Variants in GAD2 observed in about 807,000 individuals in gnomAD.
GAD2 encodes the protein 65 kDa glutamic acid decarboxylase.
GAD2 carries 22 observed loss-of-function variants against 80.1 expected under a neutral mutation model. That is an observed-to-expected ratio of 0.27 (90% CI 0.20 to 0.39). GAD2 has a LOEUF of 0.39. Among genes scored for constraint, GAD2 ranks in the 10% least tolerant of loss-of-function variants. GAD2 has a pLI of 1.00. For synonymous variants in GAD2, 274 were observed against 256.9 expected (o/e 1.07, Z -0.64); for missense variants, 624 against 738.4 (o/e 0.85, Z 1.80).
intron 8 of GAD2, among the ~76,000 whole-genome samples, chr10:26,265,205 CTTTTTT>C (rs66464746): frequency 7.3e-6 from 1 of 137,048 alleles, no homozygotes; most frequent in African/African-American, 2.7e-5. Flanking sequence ...CATCATACGA[CTTTTTT>C]TTTTTTTTTT....
At chr10:26,245,862 G>A in intron 7 of GAD2, 59 bp from the exon 8 acceptor site, 1 of 1,316,166 alleles carries the variant, frequency 7.6e-7, no homozygotes. Flanking sequence ...CAAACAGCCA[G>A]TGGAATGGAT....
At chr10:26,261,600 T>C (rs1239685193) in intron 8 of GAD2, among the ~76,000 whole-genome samples, 2 of 152,204 alleles carry the variant, frequency 1.3e-5, no homozygotes, top group African/African-American at 4.8e-5. Flanking sequence ...TAGAATTTTC[T>C]ATCTCTTTAA....
chr10:26,238,540 T>G (rs1844703168), intron 7 of GAD2, among the ~76,000 whole-genome samples: 1 of 152,254 alleles, frequency 6.6e-6, no homozygotes, highest in Non-Finnish European at 1.5e-5. Context: ...TCCTTTCATT[T>G]GACACTTATT....
chr10:26,218,066 C>G lies in GAD2; in HGVS notation c.286+75C>G, dbSNP rs545716739. On this transcript the variant is annotated intron_variant, in intron 3 of 15. Coordinates refer to ENST00000376261, the MANE Select transcript of GAD2 (RefSeq NM_001134366.2). The stretch of plus-strand genomic sequence containing the variant: ...CCGCCCACCGCGGCCGGTGCGGGTC[C>G]GGCGCTGAGAGCCGGACAGGGGCGT... 1.7e-5 allele frequency: 25 copies of G among 1,467,210 alleles called. No homozygotes were observed. In the African/African-American group the frequency reaches 2.0e-4, roughly 12 times the overall value. The allele number at this position is 1,467,210 out of a possible 1,614,324, so 90.9% of individuals were successfully genotyped here.
At chr10:26,266,412 A>C (rs1034438839) in intron 8 of GAD2, among the ~76,000 whole-genome samples, 2 of 152,212 alleles carry the variant, frequency 1.3e-5, no homozygotes, top group Non-Finnish European at 2.9e-5. Flanking sequence ...TAAGATAGAG[A>C]AAAAGATGGT....
chr10:26,262,271 T>TG (rs1032725036), intron 8 of GAD2, among the ~76,000 whole-genome samples: 4 of 149,944 alleles, frequency 2.7e-5, no homozygotes, highest in African/African-American at 7.3e-5. Context: ...GGTTATTAGT[T>TG]TTTTTTTTTT....
intron 12 of GAD2, among the ~76,000 whole-genome samples, chr10:26,283,480 C>A (rs1303133536): frequency 1.3e-5 from 2 of 152,186 alleles, no homozygotes; most frequent in Admixed American, 1.3e-4. Context: ...GTGAAAAAGG[C>A]AAAGGATATC....
chr10:26,229,654 C>T lies in GAD2; in HGVS notation c.725-8C>T. The T allele has an allele frequency of 6.3e-7, 1 of 1,595,906 alleles. No individual in the cohort carries two copies. On this transcript the variant is annotated splice_polypyrimidine_tract_variant and splice_region_variant and intron_variant, in intron 6 of 15. Transcript: ENST00000376261. ...AATAAAGTAACTGCGTGTTGCTGTGCACTTTAGGTGGCGCCATATCTAACA... is the reference window on the plus strand; with the variant it reads ...AATAAAGTAACTGCGTGTTGCTGTGTACTTTAGGTGGCGCCATATCTAACA...
At chr10:26,248,903 A>T (rs551623274) in intron 8 of GAD2, among the ~76,000 whole-genome samples, 36 of 152,330 alleles carry the variant, frequency 2.4e-4, no homozygotes, top group African/African-American at 7.0e-4. Context: ...AACTGGAAAT[A>T]ATTTTCATTA....
intron 15 of GAD2, among the ~76,000 whole-genome samples, chr10:26,300,533 G>T (rs960006067): frequency 6.6e-6 from 1 of 151,896 alleles, no homozygotes; most frequent in Non-Finnish European, 1.5e-5. Flanking sequence ...ACACTAACTG[G>T]AAAGTCAAGG....
chr10:26,241,383 T>C (rs1461188933), intron 7 of GAD2, among the ~76,000 whole-genome samples: 1 of 152,090 alleles, frequency 6.6e-6, no homozygotes, highest in Non-Finnish European at 1.5e-5. Flanking sequence ...CATTGAAGAG[T>C]GAAGGAACTC....
chr10:26,264,577 T>C (rs1845046406), intron 8 of GAD2, among the ~76,000 whole-genome samples: 1 of 152,170 alleles, frequency 6.6e-6, no homozygotes. Context: ...CCCAAAGTGC[T>C]GGGATAACAG....
At chr10:26,264,372 C>T (rs1302434673) in intron 8 of GAD2, among the ~76,000 whole-genome samples, 1 of 149,042 alleles carries the variant, frequency 6.7e-6, no homozygotes, top group Non-Finnish European at 1.5e-5. Flanking sequence ...GACAGTGGCG[C>T]GATCTCTACT....
At chr10:26,252,540 A>C (rs1844891725) in intron 8 of GAD2, among the ~76,000 whole-genome samples, 1 of 151,642 alleles carries the variant, frequency 6.6e-6, no homozygotes, top group African/African-American at 2.4e-5. Context: ...ACAGGATCTT[A>C]TCATGTCACC....
chr10:26,247,203 T>G (rs1844820209), intron 8 of GAD2, among the ~76,000 whole-genome samples: 1 of 152,210 alleles, frequency 6.6e-6, no homozygotes, highest in Non-Finnish European at 1.5e-5. Context: ...ATGCCTCCCC[T>G]TTTTAGACCA....
intron 4 of GAD2, among the ~76,000 whole-genome samples, chr10:26,219,873 A>G (rs1476629884): frequency 6.6e-6 from 1 of 151,814 alleles, no homozygotes. Context: ...CAATTCAGCC[A>G]TGTTATATAA....
intron 3 of GAD2, 21 bp downstream of exon 3, chr10:26,218,012 C>T (rs761434242): frequency 4.4e-6 from 7 of 1,579,418 alleles, no homozygotes; most frequent in Non-Finnish European, 6.0e-6. Flanking sequence ...AGCGGGGAGC[C>T]CCGGGGCGCC....
intron 7 of GAD2, among the ~76,000 whole-genome samples, chr10:26,237,244 G>A (rs891719321): frequency 4.6e-5 from 7 of 152,186 alleles, no homozygotes; most frequent in African/African-American, 1.4e-4. Context: ...CTTGTTCCCA[G>A]TGCCAGGTCA....
intron 13 of GAD2, 50 bp downstream of exon 13, chr10:26,286,544 C>G: frequency 6.6e-7 from 1 of 1,519,152 alleles, no homozygotes; most frequent in South Asian, 1.3e-5. Flanking sequence ...GAACCTTTAT[C>G]TGGTGACCCC....
Sources: allele counts gnomAD v4.1 joint callset (sites outside exome capture counted in the v4.1 genomes callset), GRCh38; gene constraint gnomAD v4.1.1; transcripts MANE v1.5; gene names NCBI Gene and HGNC (gene_info 2026-07-23, HGNC 2026-07-21).